SHC3: variants seen among roughly 807,000 people sequenced by gnomAD.
The protein encoded by SHC3 is SHC adaptor protein 3.
Under a neutral mutation model 60.4 loss-of-function variants are expected in SHC3, and 15 were observed. That is an observed-to-expected ratio of 0.25 (90% CI 0.17 to 0.38). The LOEUF (loss-of-function observed/expected upper bound fraction) is 0.38, where lower values mean the gene tolerates loss of function less well. Ranked by LOEUF, SHC3 falls within the 10% of genes least tolerant of loss-of-function variation. SHC3 has a pLI of 1.00. For missense variants in SHC3, 677 were observed against 786.1 expected (o/e 0.86, Z 1.66); for synonymous variants, 294 against 325.9 (o/e 0.90, Z 1.05).
At position 89,176,360 on chromosome 9, in the gene SHC3, A is replaced by G. The variant is rs549843739; in HGVS notation, c.474+1627T>C. On this transcript the variant is annotated intron_variant, in intron 1 of 11. Transcript: ENST00000375835. ...TGATGCTGGCCTTCCTTCTTTAAAA[A>G]GCAAAAGCAAAGTTCTAAGCAAAGT... 7.9e-5 allele frequency among the ~76,000 whole-genome samples: 12 copies of G among 152,378 alleles called. No individual in the cohort carries two copies. In the East Asian group the frequency reaches 2.3e-3, roughly 29 times the overall value.
At chr9:89,076,836 T>G (rs1453387078) in intron 3 of SHC3, among the ~76,000 whole-genome samples, 1 of 152,162 alleles carries the variant, frequency 6.6e-6, no homozygotes, top group Non-Finnish European at 1.5e-5. Flanking sequence ...CAGCTGTTAT[T>G]AAAAATGAAT....
intron 1 of SHC3, among the ~76,000 whole-genome samples, chr9:89,142,691 A>C (rs932529393): frequency 6.8e-6 from 1 of 147,582 alleles, no homozygotes; most frequent in Non-Finnish European, 1.5e-5. Context: ...AAAAAAAAAA[A>C]GGCGGGGGGT....
At chr9:89,037,844 G>T in intron 11 of SHC3, 149 bp downstream of exon 11, 1 of 1,013,018 alleles carries the variant, frequency 9.9e-7, no homozygotes. Context: ...CTGATGACAG[G>T]AGTTGTCTGT....
intron 10 of SHC3, among the ~76,000 whole-genome samples, chr9:89,039,498 ACT>A (rs1477129881): frequency 6.6e-6 from 1 of 152,130 alleles, no homozygotes; most frequent in Non-Finnish European, 1.5e-5. Context: ...TTTGTTTTAT[ACT>A]GTTTCTACAT....
At chr9:89,053,712 A>T (rs1035841792) in intron 6 of SHC3, among the ~76,000 whole-genome samples, 1 of 152,238 alleles carries the variant, frequency 6.6e-6, no homozygotes, top group African/African-American at 2.4e-5. Context: ...TCTTCTGATG[A>T]TCAATTATTG....
intron 6 of SHC3, among the ~76,000 whole-genome samples, chr9:89,053,935 C>T (rs1401683313): frequency 2.0e-5 from 3 of 152,328 alleles, no homozygotes; most frequent in South Asian, 4.1e-4. Context: ...ACGCCCCTCC[C>T]GGCCCTGCTG....
intron 1 of SHC3, among the ~76,000 whole-genome samples, chr9:89,146,364 A>G (rs1826469627): frequency 8.3e-6 from 1 of 120,842 alleles, no homozygotes; most frequent in Admixed American, 9.1e-5. Context: ...CTCCAAAAAC[A>G]AAACAAAACA....
intron 5 of SHC3, among the ~76,000 whole-genome samples, chr9:89,065,989 A>G (rs1287368957): frequency 1.3e-5 from 2 of 152,170 alleles, no homozygotes; most frequent in African/African-American, 4.8e-5. Context: ...AGATAATCCC[A>G]TTTAATTGGT....
chr9:89,051,893 C>T, intron 7 of SHC3, 144 bp downstream of exon 7: 2 of 1,174,032 alleles, frequency 1.7e-6, no homozygotes, highest in South Asian at 1.6e-5. Flanking sequence ...GTGCCATATC[C>T]CAGCACCGAC....
intron 6 of SHC3, among the ~76,000 whole-genome samples, chr9:89,064,724 G>A (rs994930076): frequency 2.6e-5 from 4 of 151,930 alleles, no homozygotes; most frequent in Admixed American, 6.6e-5. Flanking sequence ...ATATATCCAA[G>A]GTATAGCATT....
Position 89,059,380 on chromosome 9 carries a change from C to T in SHC3, c.835+6149G>A, listed in dbSNP as rs576033591. 1.2e-4 allele frequency among the ~76,000 whole-genome samples: 13 copies of T among 106,974 alleles called. No individual in the cohort carries two copies. The South Asian group carries it at 3.0e-3, about 24-fold the overall frequency. The allele number at this position is 106,974 out of a possible 152,430, so 70.2% of individuals were successfully genotyped here. On this transcript the variant is annotated intron_variant, in intron 6 of 11. Coordinates refer to ENST00000375835, the MANE Select transcript of SHC3 (RefSeq NM_016848.6). ...ATGTAGTGGAGGATGCGGTGGAGGA[C>T]GTAGTGGAGGATGCAGTAGAGGATG...
At chr9:89,068,665 T>G (rs1825220705) in intron 5 of SHC3, among the ~76,000 whole-genome samples, 1 of 151,824 alleles carries the variant, frequency 6.6e-6, no homozygotes, top group Admixed American at 6.6e-5. Context: ...TTCCAATTTT[T>G]TTTAAAAAAA....
intron 2 of SHC3, chr9:89,109,150 T>C: frequency 1.0e-6 from 1 of 983,414 alleles, no homozygotes; most frequent in Non-Finnish European, 1.2e-6. Context: ...ATAAATATCT[T>C]GTTAGTAAAT....
intron 1 of SHC3, among the ~76,000 whole-genome samples, chr9:89,145,989 A>G (rs1826462609): frequency 6.6e-6 from 1 of 152,220 alleles, no homozygotes; most frequent in African/African-American, 2.4e-5. Context: ...ATGAAACACA[A>G]TAAAGCAACA....
At chr9:89,094,635 G>T (rs1825673531) in intron 2 of SHC3, among the ~76,000 whole-genome samples, 1 of 152,058 alleles carries the variant, frequency 6.6e-6, no homozygotes, top group Non-Finnish European at 1.5e-5. Context: ...TTCATTAGTG[G>T]AACCTGAGAC....
At chr9:89,055,794 TCA>T (rs142297114) in intron 6 of SHC3, among the ~76,000 whole-genome samples, 1 of 152,332 alleles carries the variant, frequency 6.6e-6, no homozygotes, top group African/African-American at 2.4e-5. Flanking sequence ...CTTCTCTAAG[TCA>T]CAGTTATCCA....
chr9:89,011,769 GA>G lies in SHC3; in HGVS notation c.*1677del, dbSNP rs1385327062. On this transcript the variant is annotated 3_prime_UTR_variant, in exon 12 of 12. Transcript: ENST00000375835. ...CCACTGCAGAACATTCTAGAACACT[GA>G]CTTCACTGTCATCTCAAATTCACTG... is the stretch of plus-strand genomic sequence containing the variant. 1.3e-5 allele frequency: 2 copies of G among 152,238 alleles called. No homozygotes were observed. Among genetic ancestry groups the G allele is most frequent in the Non-Finnish European group, 2.9e-5 (2 of 68,100 alleles). The allele number at this position is 152,238 out of a possible 1,614,324, so 9.4% of individuals were successfully genotyped here.
In SHC3 at chr9:89,009,369, G is replaced by A. The variant is rs1441898884; in HGVS notation, c.*4078C>T. The A allele has an allele frequency of 6.6e-6, 1 of 152,114 alleles. No homozygotes were observed. Among genetic ancestry groups the A allele is most frequent in the Non-Finnish European group, 1.5e-5 (1 of 68,044 alleles). 9.4% of individuals were successfully genotyped at this position (152,114 alleles called of 1,614,324 possible). A position where few individuals can be genotyped will look rare whatever the true frequency, so the allele number is the denominator to read the frequency against. On this transcript the variant is annotated 3_prime_UTR_variant, in exon 12 of 12. Transcript: ENST00000375835. ...GCAAGGTCTGTCTGAGTCCTGCAAT[G>A]ACCTCTTTGCAATCTTTCCACAATC...
chr9:89,016,484 A>G (rs1384551116), intron 11 of SHC3, among the ~76,000 whole-genome samples: 1 of 152,122 alleles, frequency 6.6e-6, no homozygotes, highest in Non-Finnish European at 1.5e-5. Context: ...GAAGAAATAA[A>G]CAATCAGAAT....
Sources: gnomAD v4.1 joint callset for allele counts (sites outside exome capture counted in the v4.1 genomes callset) on GRCh38, gnomAD v4.1.1 for gene constraint, MANE v1.5 for transcripts, NCBI Gene and HGNC (gene_info 2026-07-23, HGNC 2026-07-21) for gene names.